Variants in EEFSEC observed in about 807,000 individuals in gnomAD.
EEFSEC encodes the protein eukaryotic elongation factor, selenocysteine-tRNA specific.
A neutral mutation model predicts 42.1 loss-of-function variants in EEFSEC; 43 were observed. The observed-to-expected ratio is 1.02, with a 90% CI of 0.80 to 1.32. EEFSEC has a LOEUF of 1.32. EEFSEC is among the 40% of genes most tolerant of loss of function. The probability of loss-of-function intolerance (pLI) is 0.00; values close to 1 mark genes in which losing one functional copy is unlikely to be tolerated. For synonymous variants in EEFSEC, 354 were observed against 339.1 expected (o/e 1.04, Z -0.48); for missense variants, 745 against 803.6 (o/e 0.93, Z 0.88).
intron 4 of EEFSEC, among the ~76,000 whole-genome samples, chr3:128,329,155 G>A (rs1488079332): frequency 1.3e-5 from 2 of 152,180 alleles, no homozygotes; most frequent in African/African-American, 2.4e-5. Flanking sequence ...GAGGGAGAGC[G>A]AGGCCCAGGC....
chr3:128,413,554 A>G (rs2068189188), downstream of EEFSEC, among the ~76,000 whole-genome samples: 1 of 152,136 alleles, frequency 6.6e-6, no homozygotes, highest in Admixed American at 6.5e-5. Context: ...TGTAGGTCAC[A>G]TGGCCACACC....
chr3:128,255,583 C>A (rs374802276), intron 2 of EEFSEC, among the ~76,000 whole-genome samples: 1 of 152,082 alleles, frequency 6.6e-6, no homozygotes, highest in East Asian at 1.9e-4. Flanking sequence ...TGGAGACTGG[C>A]GCAGAGGAAG....
At chr3:128,315,692 T>A (rs6771646) in intron 4 of EEFSEC, among the ~76,000 whole-genome samples, 1 of 152,044 alleles carries the variant, frequency 6.6e-6, no homozygotes, top group African/African-American at 2.4e-5. Context: ...TGGTATGGAG[T>A]GTAAAGCTCC....
intron 6 of EEFSEC, among the ~76,000 whole-genome samples, chr3:128,375,478 C>T (rs548711755): frequency 5.6e-4 from 86 of 152,296 alleles, no homozygotes; most frequent in African/African-American, 1.8e-3. Flanking sequence ...TGGCATGCTT[C>T]GCAGTCGGTC....
chr3:128,407,986 G>A, intron 6 of EEFSEC, 83 bp from the exon 7 acceptor site: 1 of 1,338,242 alleles, frequency 7.5e-7, no homozygotes. Flanking sequence ...AGAGGGGTGA[G>A]TCTAGGCAGC....
intron 4 of EEFSEC, among the ~76,000 whole-genome samples, chr3:128,296,230 TCC>T (rs2066704926): frequency 1.3e-5 from 2 of 152,116 alleles, no homozygotes; most frequent in Admixed American, 6.5e-5. Context: ...GAAAACGTAA[TCC>T]ACGTAGGATC....
At chr3:128,339,084 A>T (rs1460235667) in intron 4 of EEFSEC, among the ~76,000 whole-genome samples, 6 of 151,842 alleles carry the variant, frequency 4.0e-5, no homozygotes, top group Non-Finnish European at 8.8e-5. Flanking sequence ...TTCTCCAGTG[A>T]CTCTGAGTAA....
intron 2 of EEFSEC, among the ~76,000 whole-genome samples, chr3:128,259,401 A>G (rs1021133198): frequency 1.3e-5 from 2 of 152,254 alleles, no homozygotes; most frequent in Admixed American, 1.3e-4. Context: ...TGAAGTATAT[A>G]TTAAAAATAA....
intron 1 of EEFSEC, among the ~76,000 whole-genome samples, chr3:128,237,590 C>T (rs1006195440): frequency 6.6e-6 from 1 of 152,214 alleles, no homozygotes. Flanking sequence ...AATGGACTTG[C>T]ATCCTGCCCT....
At chr3:128,402,469 C>T (rs2068059499) in intron 6 of EEFSEC, among the ~76,000 whole-genome samples, 1 of 152,194 alleles carries the variant, frequency 6.6e-6, no homozygotes, top group East Asian at 1.9e-4. Context: ...CAAAAACGTG[C>T]CGCTCCCTTA....
chr3:128,220,435 G>T (rs949639822), intron 1 of EEFSEC, among the ~76,000 whole-genome samples: 2 of 152,180 alleles, frequency 1.3e-5, no homozygotes, highest in Non-Finnish European at 2.9e-5. Context: ...TGTCTTTACT[G>T]TCAAATGATG....
intron 1 of EEFSEC, among the ~76,000 whole-genome samples, chr3:128,167,068 C>T (rs549317548): frequency 7.9e-5 from 12 of 152,232 alleles, no homozygotes; most frequent in African/African-American, 2.9e-4. Context: ...CCGAATGAAC[C>T]ACATGCAGGT....
At chr3:128,320,419 A>T (rs1339706201) in intron 4 of EEFSEC, among the ~76,000 whole-genome samples, 1 of 152,274 alleles carries the variant, frequency 6.6e-6, no homozygotes, top group African/African-American at 2.4e-5. Flanking sequence ...TAAAGATACC[A>T]TGCTAATCAT....
chr3:128,426,083 T>C, the EEFSEC span, among the ~76,000 whole-genome samples: 3 of 152,336 alleles, frequency 2.0e-5, no homozygotes, highest in East Asian at 5.8e-4. Flanking sequence ...CAGGAGGGGC[T>C]ACTGTCGCCC....
At chr3:128,166,197 C>T (rs1049968664) in intron 1 of EEFSEC, among the ~76,000 whole-genome samples, 15 of 152,338 alleles carry the variant, frequency 9.8e-5, no homozygotes, top group African/African-American at 3.4e-4. Context: ...CCCTGAGGTG[C>T]TTACAGCACA....
chr3:128,311,116 A>G (rs918855726), intron 4 of EEFSEC, among the ~76,000 whole-genome samples: 1 of 152,274 alleles, frequency 6.6e-6, no homozygotes, highest in Non-Finnish European at 1.5e-5. Context: ...TAAAATTCAG[A>G]TTTAGACCAA....
rs78483512 is a variant in EEFSEC, at chr3:128,302,167, G to A, written c.786+37386G>A. ...TTATCATCTTGGTCCAAAGGCAGTC[G>A]GGGGTATGGGGCTGGGAAGAGGGCA... On this transcript the variant is annotated intron_variant, in intron 4 of 6. Transcript: ENST00000254730. Among the ~76,000 whole-genome samples the A allele has an allele frequency of 3.3e-3, 506 of 152,224 alleles. 3 individuals carry two copies. Among genetic ancestry groups the A allele is most frequent in the African/African-American group, 0.011 (472 of 41,534 alleles).
At chr3:128,275,082 CG>C (rs2066454189) in intron 4 of EEFSEC, among the ~76,000 whole-genome samples, 1 of 152,082 alleles carries the variant, frequency 6.6e-6, no homozygotes, top group Non-Finnish European at 1.5e-5. Context: ...CTGTGGGCTG[CG>C]GTGCCTTTGG....
chr3:128,249,909 T>G (rs940064143), intron 2 of EEFSEC, among the ~76,000 whole-genome samples: 4 of 152,194 alleles, frequency 2.6e-5, no homozygotes, highest in Non-Finnish European at 5.9e-5. Context: ...AGCTATTTAT[T>G]CAATTTTCTG....
Sources: gnomAD v4.1 joint callset for allele counts (sites outside exome capture counted in the v4.1 genomes callset) on GRCh38, gnomAD v4.1.1 for gene constraint, MANE v1.5 for transcripts, NCBI Gene and HGNC (gene_info 2026-07-23, HGNC 2026-07-21) for gene names.